Variants in ADAMTS20 observed in about 807,000 individuals in gnomAD.
ADAMTS20 encodes the protein A disintegrin and metalloproteinase with thrombospondin motifs 20.
In ADAMTS20, 225 loss-of-function variants were observed where a neutral mutation model predicts 260.1. The observed-to-expected ratio is 0.87, with a 90% confidence interval of 0.78 to 0.97. The LOEUF (loss-of-function observed/expected upper bound fraction) is 0.97. Ranked by LOEUF, ADAMTS20 falls within the 50% of genes least tolerant of loss-of-function variation. ADAMTS20 has a pLI of 0.00. For synonymous variants in ADAMTS20, 802 were observed against 769.5 expected (o/e 1.04, Z -0.70); for missense variants, 2,400 against 2,337.7 (o/e 1.03, Z -0.55).
chr12:43,377,624 G>A, intron 31 of ADAMTS20, 62 bp from the exon 32 acceptor site: 1 of 1,325,310 alleles, frequency 7.5e-7, no homozygotes, highest in Non-Finnish European at 1.0e-6. Flanking sequence ...CCTAATATTT[G>A]TCAGATGCTT....
chr12:43,358,473 G>A (rs573403147), intron 37 of ADAMTS20, among the ~76,000 whole-genome samples: 14 of 152,238 alleles, frequency 9.2e-5, no homozygotes, highest in Non-Finnish European at 1.8e-4. Flanking sequence ...TGGCAGACAT[G>A]GTGTCAAGTA....
chr12:43,508,621 A>C (rs1311751851), intron 3 of ADAMTS20, among the ~76,000 whole-genome samples: 1 of 152,032 alleles, frequency 6.6e-6, no homozygotes, highest in African/African-American at 2.4e-5. Flanking sequence ...TTATTAAAAA[A>C]TATTTTGTAG....
chr12:43,464,655 C>T lies in ADAMTS20; in HGVS notation c.1445G>A (p.Arg482Gln), dbSNP rs191978295. ...CTCACACTGCTTGTTTCCATCATAT[C>T]GTGATCCAGGAAGTTCTGAAGGCAG... ...YNLPSELPGS[R>Q]YDGNKQCELA... The change falls in exon 10 of 39, where the codon CGA becomes CAA. Residue 482 changes from arginine to glutamine, a missense_variant. Transcript: ENST00000389420. The T allele has an allele frequency of 1.4e-5, 22 of 1,613,428 alleles. No individual in the cohort carries two copies. The highest frequency in any genetic ancestry group is 6.7e-5 in the Admixed American group (4 of 59,990).
rs67474640 is a variant in ADAMTS20, at chr12:43,409,601, C to CAAAAAAAAAA, written c.4285-10378_4285-10369dup. 2.8e-3 allele frequency among the ~76,000 whole-genome samples: 129 copies of CAAAAAAAAAA among 46,894 alleles called. 2 individuals carry two copies. The highest frequency in any genetic ancestry group is 0.015 in the Middle Eastern group (1 of 66). 30.8% of individuals were successfully genotyped at this position (46,894 alleles called of 152,430 possible). A position where few individuals can be genotyped will look rare whatever the true frequency, so the allele number is the denominator to read the frequency against. On this transcript the variant is annotated intron_variant, in intron 28 of 38. Transcript: ENST00000389420. ...TGGGCGACAGAGCGAGACTCCGTCT[C>CAAAAAAAAAA]AAAAAAAAAAAAAAAAAAAAAAAAA... is the stretch of plus-strand genomic sequence containing the variant.
intron 16 of ADAMTS20, among the ~76,000 whole-genome samples, chr12:43,442,084 GA>G (rs780246366): frequency 6.6e-6 from 1 of 151,834 alleles, no homozygotes; most frequent in East Asian, 1.9e-4. Flanking sequence ...TACTGGCTTA[GA>G]AAAAAAGTCT....
At chr12:43,455,739 C>T (rs548302483) in intron 11 of ADAMTS20, among the ~76,000 whole-genome samples, 9 of 148,980 alleles carry the variant, frequency 6.0e-5, no homozygotes, top group Admixed American at 2.0e-4. Context: ...GATGGAGTCT[C>T]GCTCCGTCAC....
intron 28 of ADAMTS20, among the ~76,000 whole-genome samples, chr12:43,418,371 G>A (rs1941170294): frequency 6.6e-6 from 1 of 152,066 alleles, no homozygotes; most frequent in South Asian, 2.1e-4. Flanking sequence ...GTGCAATGGC[G>A]CTATCTTGGC....
At chr12:43,475,340 A>T (rs1942333641) in intron 7 of ADAMTS20, among the ~76,000 whole-genome samples, 1 of 134,796 alleles carries the variant, frequency 7.4e-6, no homozygotes, top group Non-Finnish European at 1.6e-5. Context: ...GAAATAAAAG[A>T]GGATACAAAC....
At chr12:43,509,589 A>G (rs1039946823) in intron 3 of ADAMTS20, among the ~76,000 whole-genome samples, 2 of 152,164 alleles carry the variant, frequency 1.3e-5, no homozygotes, top group Non-Finnish European at 2.9e-5. Flanking sequence ...ATAAAAATAT[A>G]TGTCATATAT....
intron 3 of ADAMTS20, among the ~76,000 whole-genome samples, chr12:43,526,841 CA>C (rs2137493532): frequency 6.6e-6 from 1 of 151,616 alleles, no homozygotes; most frequent in South Asian, 2.1e-4. Context: ...AAGTTCAGAG[CA>C]AAACCGAATG....
At chr12:43,539,495 T>C (rs1489217605) in intron 2 of ADAMTS20, among the ~76,000 whole-genome samples, 1 of 152,170 alleles carries the variant, frequency 6.6e-6, no homozygotes, top group Non-Finnish European at 1.5e-5. Context: ...AGAATTCTTA[T>C]CTATTTCTTG....
At position 43,470,736 on chromosome 12, in the gene ADAMTS20, C is replaced by A. The variant is rs533084423; in HGVS notation, c.1118-2031G>T. ...GGTCAGGGACTGAGGCAACAATAAA[C>A]GTAAATGGAGATATAACAGAAAATC... On this transcript the variant is annotated intron_variant, in intron 7 of 38. Coordinates refer to ENST00000389420, the MANE Select transcript of ADAMTS20 (RefSeq NM_025003.5). Among the ~76,000 whole-genome samples, 78 of 152,218 alleles carry A rather than the reference C, an allele frequency of 5.1e-4. 2 individuals are homozygous for A. Among genetic ancestry groups the A allele is most frequent in the African/African-American group, 1.7e-3 (72 of 41,556 alleles).
intron 29 of ADAMTS20, among the ~76,000 whole-genome samples, chr12:43,395,180 G>T (rs1033211835): frequency 3.3e-5 from 5 of 152,066 alleles, no homozygotes; most frequent in Non-Finnish European, 7.4e-5. Flanking sequence ...TTTAACCAGC[G>T]CTGGAAGCAG....
chr12:43,467,503 T>C (rs1360926440), intron 8 of ADAMTS20, among the ~76,000 whole-genome samples: 1 of 152,050 alleles, frequency 6.6e-6, no homozygotes, highest in Non-Finnish European at 1.5e-5. Context: ...ATCTTTTAAA[T>C]TAAACAACTT....
At chr12:43,355,283 T>C (rs1461149441) in intron 38 of ADAMTS20, among the ~76,000 whole-genome samples, 1 of 152,224 alleles carries the variant, frequency 6.6e-6, no homozygotes, top group Non-Finnish European at 1.5e-5. Context: ...GTAAAAACTC[T>C]ATCTTCATTA....
chr12:43,536,392 G>A (rs1943295214), intron 2 of ADAMTS20, among the ~76,000 whole-genome samples: 1 of 151,996 alleles, frequency 6.6e-6, no homozygotes, highest in African/African-American at 2.4e-5. Context: ...ACCGTTCTAG[G>A]GGCTAACGAT....
At chr12:43,405,758 A>G (rs2137262096) in intron 28 of ADAMTS20, among the ~76,000 whole-genome samples, 1 of 152,278 alleles carries the variant, frequency 6.6e-6, no homozygotes, top group Non-Finnish European at 1.5e-5. Context: ...GTTTTTCAAA[A>G]CATAATAATT....
intron 2 of ADAMTS20, among the ~76,000 whole-genome samples, chr12:43,539,198 G>T (rs974699409): frequency 6.6e-6 from 1 of 151,958 alleles, no homozygotes; most frequent in South Asian, 2.1e-4. Flanking sequence ...TGATCCACCC[G>T]CCTTGGCCTC....
chr12:43,546,138 A>C (rs953802726), intron 2 of ADAMTS20, among the ~76,000 whole-genome samples: 1 of 152,214 alleles, frequency 6.6e-6, no homozygotes, highest in African/African-American at 2.4e-5. Flanking sequence ...CAGAATACAC[A>C]AAAAACAGTA....
Sources: gnomAD v4.1 joint callset for allele counts (sites outside exome capture counted in the v4.1 genomes callset) on GRCh38, gnomAD v4.1.1 for gene constraint, MANE v1.5 for transcripts, NCBI Gene and HGNC (gene_info 2026-07-23, HGNC 2026-07-21) for gene names.